Variants in DOCK2 observed in about 807,000 individuals in gnomAD.
DOCK2 encodes the protein dedicator of cytokinesis 2.
Under a neutral mutation model 248.9 loss-of-function variants are expected in DOCK2, and 87 were observed. The ratio of observed to expected loss-of-function variants is 0.35; its 90% CI spans 0.29 to 0.42. The LOEUF (loss-of-function observed/expected upper bound fraction) is 0.42, where lower values mean the gene tolerates loss of function less well. DOCK2 is among the 10% of genes least tolerant of loss of function. The pLI, the probability that DOCK2 is intolerant of heterozygous loss-of-function variation, is 1.00. For synonymous variants in DOCK2, 805 were observed against 821.6 expected (o/e 0.98, Z 0.35); for missense variants, 1,747 against 2,300.2 (o/e 0.76, Z 4.92).
intron 8 of DOCK2, among the ~76,000 whole-genome samples, chr5:169,686,550 A>G (rs1759994082): frequency 6.6e-6 from 1 of 152,218 alleles, no homozygotes; most frequent in Admixed American, 6.5e-5. Flanking sequence ...GAAGAAGAGA[A>G]GAGGCACAAT....
Position 170,077,690 on chromosome 5 carries a change from A to C in DOCK2, c.4867-20A>C, listed in dbSNP as rs763751405. On this transcript the variant is annotated intron_variant, in intron 47 of 51. Coordinates refer to ENST00000520908, the MANE Select transcript of DOCK2 (RefSeq NM_004946.3). ...CTTCCCCAGGCTACAGCTGCTAACC[A>C]CCCTGTTCTCCCACCACAGCCTGAC... 6.2e-7 allele frequency: 1 copy of C among 1,612,854 alleles called. No individual in the cohort carries two copies. The highest frequency in any genetic ancestry group is 8.5e-7 in the Non-Finnish European group (1 of 1,179,434).
intron 30 of DOCK2, among the ~76,000 whole-genome samples, chr5:170,002,532 A>T (rs891254247): frequency 2.6e-4 from 39 of 152,356 alleles, no homozygotes; most frequent in African/African-American, 8.2e-4. Flanking sequence ...CCAAGGTAGG[A>T]TGGAAAATAA....
In DOCK2 at chr5:169,712,153, C is replaced by A. The variant is rs778592705; in HGVS notation, c.1589C>A (p.Ser530Tyr). The change falls in exon 17 of 52, where the codon TCC becomes TAC. Residue 530 changes from serine to tyrosine, a missense_variant. Around this residue, in one of 4 missense-constraint regions of DOCK2, gnomAD observed 858 missense variants for 1,183.5 expected, o/e 0.72. Coordinates refer to ENST00000520908, the MANE Select transcript of DOCK2 (RefSeq NM_004946.3). The stretch of plus-strand genomic sequence containing the variant: ...AAAGGAGAAAAGAACTTTGCCATGT[C>A]CTATGTGAAGCTGATGAAAGAAGAT... ...KDKGEKNFAM[S>Y]YVKLMKEDGT... 1 of 1,614,080 alleles carries A rather than the reference C, an allele frequency of 6.2e-7. No homozygotes were observed. Among genetic ancestry groups the A allele is most frequent in the Admixed American group, 1.7e-5 (1 of 60,022 alleles).
intron 25 of DOCK2, among the ~76,000 whole-genome samples, chr5:169,783,691 C>T (rs1443184981): frequency 6.6e-6 from 1 of 151,896 alleles, no homozygotes; most frequent in African/African-American, 2.4e-5. Flanking sequence ...AGAAAAAAAG[C>T]TATGGGAGAA....
intron 22 of DOCK2, among the ~76,000 whole-genome samples, chr5:169,737,703 G>C (rs1350136659): frequency 6.6e-6 from 1 of 152,094 alleles, no homozygotes; most frequent in Non-Finnish European, 1.5e-5. Flanking sequence ...AAAAGGACTG[G>C]GTTCTGAGAG....
intron 27 of DOCK2, among the ~76,000 whole-genome samples, chr5:169,866,401 A>G (rs1039818295): frequency 6.6e-6 from 1 of 152,236 alleles, no homozygotes; most frequent in Non-Finnish European, 1.5e-5. Flanking sequence ...CTTCCAGGCT[A>G]TGGTGTCCTC....
intron 35 of DOCK2, 49 bp downstream of exon 35, chr5:170,034,604 C>T: frequency 1.2e-6 from 2 of 1,604,032 alleles, no homozygotes; most frequent in South Asian, 2.2e-5. Context: ...TGTGGGGGGG[C>T]TTGGGCTTGG....
rs527279915 is a variant in DOCK2 at position 169,878,166 on chromosome 5, G to A, written c.2799+37314G>A. ...CTGGAAAAGTAGAGAAGGGAGTGAG[G>A]GAAGGAGGAGCAAGTGGCTTAGAGG... On this transcript the variant is annotated intron_variant, in intron 27 of 51. Coordinates refer to ENST00000520908, the MANE Select transcript of DOCK2 (RefSeq NM_004946.3). 2.6e-4 allele frequency among the ~76,000 whole-genome samples: 40 copies of A among 152,206 alleles called. No homozygotes were observed. In the Middle Eastern group the frequency reaches 0.017, roughly 65 times the overall value.
chr5:169,806,437 G>T (rs1356407636), intron 26 of DOCK2, among the ~76,000 whole-genome samples: 1 of 151,988 alleles, frequency 6.6e-6, no homozygotes, highest in Admixed American at 6.6e-5. Context: ...GCCACCCGGG[G>T]AGCTTTTTAA....
chr5:169,960,205 G>A (rs1179469181), intron 27 of DOCK2, among the ~76,000 whole-genome samples: 1 of 152,200 alleles, frequency 6.6e-6, no homozygotes, highest in Non-Finnish European at 1.5e-5. Flanking sequence ...TCCAGAGGAG[G>A]AAATAATGTA....
At chr5:169,752,432 T>A (rs1344691849) in intron 23 of DOCK2, among the ~76,000 whole-genome samples, 2 of 151,976 alleles carry the variant, frequency 1.3e-5, no homozygotes, top group African/African-American at 4.8e-5. Context: ...ATATCTACTG[T>A]CTGAATGAAT....
intron 27 of DOCK2, among the ~76,000 whole-genome samples, chr5:169,841,220 G>C (rs762736076): frequency 6.6e-6 from 1 of 152,192 alleles, no homozygotes. Flanking sequence ...ATGGTGCCCA[G>C]TCTCAGGGTC....
chr5:169,724,790 G>A (rs761204357), intron 22 of DOCK2, among the ~76,000 whole-genome samples: 13 of 141,804 alleles, frequency 9.2e-5, no homozygotes, highest in South Asian at 4.4e-4. Flanking sequence ...TATTTATTCC[G>A]TGCCACCCTA....
chr5:169,690,143 A>G (rs1350074808), intron 9 of DOCK2, among the ~76,000 whole-genome samples: 3 of 151,566 alleles, frequency 2.0e-5, no homozygotes, highest in African/African-American at 7.3e-5. Flanking sequence ...GAGAATCTCA[A>G]GTGATTCTCC....
intron 39 of DOCK2, 31 bp from the exon 40 acceptor site, chr5:170,047,479 T>C (rs760670763): frequency 6.2e-7 from 1 of 1,604,252 alleles, no homozygotes; most frequent in Admixed American, 1.7e-5. Flanking sequence ...TACACATCTG[T>C]GTTGCAACAA....
chr5:170,059,193 C>G (rs143969621), intron 44 of DOCK2, among the ~76,000 whole-genome samples: 2,886 of 145,188 alleles, frequency 0.02, 49 homozygotes, highest in Middle Eastern at 0.1. Context: ...CCCACCCCAG[C>G]AAGTAGTACC....
chr5:169,645,227 G>A (rs1432286182), intron 1 of DOCK2, among the ~76,000 whole-genome samples: 1 of 152,192 alleles, frequency 6.6e-6, no homozygotes, highest in Non-Finnish European at 1.5e-5. Flanking sequence ...TTCCACAATA[G>A]TTGAACTAAT....
chr5:169,973,163 C>T (rs189912540), intron 27 of DOCK2, among the ~76,000 whole-genome samples: 2 of 152,160 alleles, frequency 1.3e-5, no homozygotes, highest in South Asian at 2.1e-4. Context: ...CTTGGTCACC[C>T]GATGTTCTGT....
At chr5:169,749,542 A>G (rs1763792678) in intron 23 of DOCK2, among the ~76,000 whole-genome samples, 1 of 152,180 alleles carries the variant, frequency 6.6e-6, no homozygotes, top group African/African-American at 2.4e-5. Flanking sequence ...AACACTAGGG[A>G]TACGTCTTAA....
Sources: gnomAD v4.1 joint callset for allele counts (sites outside exome capture counted in the v4.1 genomes callset) on GRCh38, gnomAD v4.1.1 for gene constraint, gnomAD v4.1.1 regional missense constraint, MANE v1.5 for transcripts, NCBI Gene and HGNC (gene_info 2026-07-23, HGNC 2026-07-21) for gene names.